ADAMTSL2: variants seen among roughly 807,000 people sequenced by gnomAD.
The protein encoded by ADAMTSL2 is ADAMTS-like protein 2.
Under a neutral mutation model 117.0 loss-of-function variants are expected in ADAMTSL2, and 55 were observed. That is an observed-to-expected ratio of 0.47 (90% CI 0.38 to 0.59). ADAMTSL2 has a LOEUF of 0.59. ADAMTSL2 is among the 20% of genes least tolerant of loss of function. The pLI, the probability that ADAMTSL2 is intolerant of heterozygous loss-of-function variation, is 0.00. For missense variants in ADAMTSL2, 1,182 were observed against 1,354.5 expected (o/e 0.87, Z 2.00); for synonymous variants, 572 against 566.4 (o/e 1.01, Z -0.14).
At position 133,554,225 on chromosome 9, in the gene ADAMTSL2, T is replaced by C; in HGVS notation, c.940-132T>C. 1.2e-6 allele frequency: 1 copy of C among 831,334 alleles called. No homozygotes were observed. Among genetic ancestry groups the C allele is most frequent in the Non-Finnish European group, 1.9e-6 (1 of 539,462 alleles). The allele number at this position is 831,334 out of a possible 1,614,324, so 51.5% of individuals were successfully genotyped here. Reference sequence around the variant, plus strand: ...CACTGCGTTGGGCTGGGCTAGTCAGTGTCATTCCCTGAGGGGGCTCAACTG... The same window carrying C: ...CACTGCGTTGGGCTGGGCTAGTCAGCGTCATTCCCTGAGGGGGCTCAACTG... On this transcript the variant is annotated intron_variant, in intron 9 of 18. Transcript: ENST00000651351. The surrounding 1 kb of genome is among the most constrained non-coding windows in gnomAD (Gnocchi z 5.2).
At chr9:133,533,163 CTGTGTGTG>C (rs71378583), upstream of ADAMTSL2, among the ~76,000 whole-genome samples, 9,187 of 148,114 alleles carry the variant, frequency 0.062, 362 homozygotes, top group African/African-American at 0.1. Flanking sequence ...GTGTGTGTGC[CTGTGTGTG>C]TGTGTGTGTG....
At chr9:133,560,480 A>T (rs983817364) in intron 11 of ADAMTSL2, among the ~76,000 whole-genome samples, 5 of 152,260 alleles carry the variant, frequency 3.3e-5, no homozygotes, top group African/African-American at 1.2e-4. Flanking sequence ...TTGGATGTGG[A>T]GGTTGGGCCC....
chr9:133,574,675 G>C, intron 18 of ADAMTSL2, 71 bp from the exon 19 acceptor site: 1 of 1,351,902 alleles, frequency 7.4e-7, no homozygotes, highest in Non-Finnish European at 1.1e-6. Flanking sequence ...CGGCACGTGG[G>C]GGTCCCTGGG....
At chr9:133,536,346 C>T (rs914749198) in intron 1 of ADAMTSL2, among the ~76,000 whole-genome samples, 2 of 152,254 alleles carry the variant, frequency 1.3e-5, no homozygotes, top group African/African-American at 4.8e-5. Context: ...GCCCCCTCAG[C>T]CGAGGCTGGC....
Position 133,538,411 on chromosome 9 carries a change from T to A in ADAMTSL2, c.296T>A (p.Leu99His). The change falls in exon 4 of 19, where the codon CTC (leucine) becomes CAC (histidine). Residue 99 changes from leucine (L) to histidine (H), a missense_variant. By Grantham distance (99) the Leu-to-His change is moderately conservative (BLOSUM62 -3). Transcript: ENST00000651351. Reference protein sequence around the residue: ...TCTGTSKRYQLCRVQECPPDG... With the variant: ...TCTGTSKRYQHCRVQECPPDG... ...ACGGGCACGTCCAAGCGGTACCAGC[T>A]CTGCAGAGTGCAGGTGAGGCCCGGC... The A allele has an allele frequency of 1.2e-6, 2 of 1,613,180 alleles. No homozygotes were observed. Among genetic ancestry groups the A allele is most frequent in the Non-Finnish European group, 1.7e-6 (2 of 1,180,010 alleles).
rs1451199686 is a variant in ADAMTSL2 at position 133,558,538 on chromosome 9, G to A, written c.1649+2608G>A. On this transcript the variant is annotated intron_variant, in intron 11 of 18. Coordinates refer to ENST00000651351, the MANE Select transcript of ADAMTSL2 (RefSeq NM_014694.4). This position sits in a 1 kb window ranked among gnomAD's most constrained non-coding sequence, Gnocchi z 4.3. ...GAGTCCCTCTCCGCAGCCTTGGGGG[G>A]AGAGAAGAACAGAGCACTTTCTGGC... is the stretch of plus-strand genomic sequence containing the variant. 1.3e-5 allele frequency among the ~76,000 whole-genome samples: 2 copies of A among 152,228 alleles called. No individual in the cohort carries two copies. The highest frequency in any genetic ancestry group is 2.9e-5 in the Non-Finnish European group (2 of 68,042).
At chr9:133,549,929 C>T (rs1457379442) in intron 9 of ADAMTSL2, among the ~76,000 whole-genome samples, 1 of 152,232 alleles carries the variant, frequency 6.6e-6, no homozygotes, top group Non-Finnish European at 1.5e-5. Flanking sequence ...TGGGAATGAT[C>T]GCTACTGCTA....
At position 133,561,091 on chromosome 9, in the gene ADAMTSL2, T is replaced by C. The variant is rs2131153383; in HGVS notation, c.1650-107T>C. The C allele has an allele frequency of 3.3e-6, 3 of 921,880 alleles. No homozygotes were observed. The East Asian group carries it at 7.9e-5, about 24-fold the overall frequency. 57.1% of individuals were successfully genotyped at this position (921,880 alleles called of 1,614,324 possible). ...CCCGGGGCTCAGGACAGGTGTGTGC[T>C]TCAGGCGAACATACCCTCCGAAGAA... is the stretch of plus-strand genomic sequence containing the variant. On this transcript the variant is annotated intron_variant, in intron 11 of 18. Transcript: ENST00000651351.
At chr9:133,544,676 C>T in intron 8 of ADAMTSL2, 126 bp downstream of exon 8, 1 of 877,772 alleles carries the variant, frequency 1.1e-6, no homozygotes, top group Non-Finnish European at 1.9e-6. Flanking sequence ...GTGCTGTGGG[C>T]ATGGCTGCAG....
chr9:133,544,670 T>A, intron 8 of ADAMTSL2, 120 bp downstream of exon 8: 2 of 905,038 alleles, frequency 2.2e-6, no homozygotes, highest in Non-Finnish European at 3.6e-6. Context: ...GGACCAGTGC[T>A]GTGGGCATGG....
intron 7 of ADAMTSL2, among the ~76,000 whole-genome samples, chr9:133,542,096 G>A (rs923885675): frequency 3.9e-5 from 6 of 152,148 alleles, no homozygotes; most frequent in Admixed American, 6.5e-5. Context: ...CGGAGGACCC[G>A]ACCGTGTCTT....
At chr9:133,563,370 C>A (rs903462847) in intron 12 of ADAMTSL2, among the ~76,000 whole-genome samples, 3 of 152,228 alleles carry the variant, frequency 2.0e-5, no homozygotes, top group African/African-American at 4.8e-5. Flanking sequence ...AAGTCCTTTG[C>A]GGACCTGCCC....
chr9:133,573,828 T>A lies in ADAMTSL2; in HGVS notation c.2593-15T>A, dbSNP rs1831165871. 1 of 1,613,744 alleles carries A rather than the reference T, an allele frequency of 6.2e-7. No individual in the cohort carries two copies. The highest frequency in any genetic ancestry group is 8.5e-7 in the Non-Finnish European group (1 of 1,179,974). On this transcript the variant is annotated splice_polypyrimidine_tract_variant and intron_variant, in intron 17 of 18. Transcript: ENST00000651351. ...CAGGAGGCTTTCCCCATGCCTTCTG[T>A]CTCTCCCACACCAGTGCACCAAGAC...
Position 133,558,925 on chromosome 9 carries a change from G to A in ADAMTSL2, c.1650-2273G>A, listed in dbSNP as rs922139787. On this transcript the variant is annotated intron_variant, in intron 11 of 18. Transcript: ENST00000651351. This position sits in a 1 kb window ranked among gnomAD's most constrained non-coding sequence, Gnocchi z 4.3. ...CCCCACACGTGCTGCTGCGAAGAGT[G>A]TGTGGGCAGCCCCTCCAGAAATACC... Among the ~76,000 whole-genome samples, 2 of 152,372 alleles carry A rather than the reference G, an allele frequency of 1.3e-5. No individual in the cohort carries two copies. The highest frequency in any genetic ancestry group is 2.1e-4 in the South Asian group (1 of 4,828).
intron 9 of ADAMTSL2, among the ~76,000 whole-genome samples, chr9:133,547,790 C>A (rs1463134770): frequency 3.3e-5 from 5 of 152,236 alleles, no homozygotes; most frequent in African/African-American, 1.2e-4. Context: ...TGGCCCCTGC[C>A]CCTCCCCTGA....
At chr9:133,555,978 A>G (rs938107762) in intron 11 of ADAMTSL2, 48 bp downstream of exon 11, 76 of 1,596,624 alleles carry the variant, frequency 4.8e-5, no homozygotes, top group Non-Finnish European at 6.3e-5. Flanking sequence ...AGGGGGCAGG[A>G]TGGGGCCGAG....
chr9:133,563,860 AGAGG>A (rs1564508610), intron 12 of ADAMTSL2, among the ~76,000 whole-genome samples: 6 of 51,044 alleles, frequency 1.2e-4, no homozygotes, highest in South Asian at 7.0e-4. Context: ...AGAGAGAGAG[AGAGG>A]GAGAGAGAGA....
At position 133,561,205 on chromosome 9, in the gene ADAMTSL2, C is replaced by T; in HGVS notation, c.1657C>T (p.Pro553Ser). Residue 553 changes from proline to serine, a missense_variant, in exon 12 of 19, where the codon CCC (proline) becomes TCC (serine). By Grantham distance (74) the Pro-to-Ser change is moderately conservative. This residue lies in a region of ADAMTSL2 where 345 missense variants were observed against 325.8 expected (regional missense o/e 1.06). Transcript: ENST00000651351. ...GCTTGGTCTCGCTTTCAGGACCAGGCCCAAGGCGCGCAAGCAAGGCGTGAG... is the reference window on the plus strand; with the variant it reads ...GCTTGGTCTCGCTTTCAGGACCAGGTCCAAGGCGCGCAAGCAAGGCGTGAG... ...GNRTHKARTR[P>S]KARKQGVSPA... 2 of 1,604,710 alleles carry T rather than the reference C, an allele frequency of 1.2e-6. No individual in the cohort carries two copies. Among genetic ancestry groups the T allele is most frequent in the Non-Finnish European group, 8.5e-7 (1 of 1,176,312 alleles).
rs756148714 is a variant in ADAMTSL2 at position 133,536,745 on chromosome 9, C to T, written c.33C>T (p.Ala11=). 1 of 1,614,100 alleles carries T rather than the reference C, an allele frequency of 6.2e-7. No individual in the cohort carries two copies. The highest frequency in any genetic ancestry group is 1.1e-5 in the South Asian group (1 of 91,094). Residue 11 remains alanine, a synonymous_variant, in exon 2 of 19, where the codon GCC becomes GCT. Transcript: ENST00000651351. ...GCAGATGGCAATGTTCCTGCTGGGC[C>T]TGGTTCCTGCTGGTTCTGGCAGTTG... MDGRWQCSCW[A]WFLLVLAVVA...
Sources: gnomAD v4.1 joint callset for allele counts (sites outside exome capture counted in the v4.1 genomes callset) on GRCh38, gnomAD v4.1.1 for gene constraint, gnomAD v4.1.1 regional missense constraint, Gnocchi (gnomAD v3.1) non-coding constraint, MANE v1.5 for transcripts, NCBI Gene and HGNC (gene_info 2026-07-23, HGNC 2026-07-21) for gene names.